DCAF8L2: variants seen among roughly 807,000 people sequenced by gnomAD.
DCAF8L2 encodes DDB1 and CUL4 associated factor 8 like 2.
For synonymous variants in DCAF8L2, 200 were observed against 190.9 expected (o/e 1.05, Z -0.39); for missense variants, 430 against 490.7 (o/e 0.88, Z 1.17).
upstream of DCAF8L2, among the ~76,000 whole-genome samples, chrX:27,590,019 G>C (rs1190114127): frequency 8.9e-6 from 1 of 111,918 alleles, no homozygotes; most frequent in Non-Finnish European, 1.9e-5. Flanking sequence ...TGAAAGCAAT[G>C]ATTAGTTAAA....
chrX:27,512,194 C>T, the DCAF8L2 span, among the ~76,000 whole-genome samples: 1 of 110,888 alleles, frequency 9.0e-6, no homozygotes, highest in Non-Finnish European at 1.9e-5. Context: ...TTGATTCAGC[C>T]CTGGAAGTTG....
At chrX:27,661,752 G>A (rs986749499) in intron 2 of DCAF8L2, among the ~76,000 whole-genome samples, 1 of 111,790 alleles carries the variant, frequency 8.9e-6, no homozygotes, top group Admixed American at 9.6e-5. Context: ...ACTGAAAAAT[G>A]TATGTCCTGC....
intron 1 of DCAF8L2, among the ~76,000 whole-genome samples, chrX:27,606,860 C>T (rs1040116104): frequency 9.0e-6 from 1 of 110,795 alleles, no homozygotes; most frequent in Non-Finnish European, 1.9e-5. Context: ...AAATACAGCC[C>T]GTTTGCTTGT....
the DCAF8L2 span, among the ~76,000 whole-genome samples, chrX:27,525,066 C>T: frequency 9.0e-5 from 10 of 111,354 alleles, no homozygotes; most frequent in African/African-American, 2.3e-4. Flanking sequence ...CAGAGCTGAG[C>T]TCAATTCCTG....
chrX:27,521,095 G>T, the DCAF8L2 span, among the ~76,000 whole-genome samples: 2 of 111,705 alleles, frequency 1.8e-5, no homozygotes, highest in South Asian at 7.4e-4. Context: ...AAACTCATTT[G>T]TTCTTATATA....
At chrX:27,604,169 C>T (rs1418932601) in intron 1 of DCAF8L2, among the ~76,000 whole-genome samples, 1 of 111,022 alleles carries the variant, frequency 9.0e-6, no homozygotes, top group Non-Finnish European at 1.9e-5. Flanking sequence ...TTTTCACACT[C>T]TCTAATAACA....
chrX:27,478,868 A>G, the DCAF8L2 span, among the ~76,000 whole-genome samples: 4 of 111,936 alleles, frequency 3.6e-5, no homozygotes, highest in African/African-American at 1.3e-4. Context: ...TCCTTTTGCT[A>G]TTGTGGTCTC....
intron 4 of DCAF8L2, among the ~76,000 whole-genome samples, chrX:27,727,885 A>G (rs1250475317): frequency 3.6e-5 from 4 of 111,467 alleles, no homozygotes; most frequent in South Asian, 3.7e-4. Context: ...GTTTAATTAT[A>G]TTTATTTCTA....
the DCAF8L2 span, among the ~76,000 whole-genome samples, chrX:27,502,335 AATATATAT>A: frequency 0.029 from 365 of 12,677 alleles, 24 homozygotes; most frequent in African/African-American, 0.074. Flanking sequence ...AAAAAAAAAA[AATATATAT>A]ATATATATAT....
At chrX:27,517,037 G>A in the DCAF8L2 span, among the ~76,000 whole-genome samples, 1 of 111,327 alleles carries the variant, frequency 9.0e-6, no homozygotes, top group African/African-American at 3.3e-5. Context: ...GGCAAAAAAA[G>A]CCATCAAAGG....
At chrX:27,639,342 G>A (rs1256113800) in intron 2 of DCAF8L2, among the ~76,000 whole-genome samples, 2 of 111,727 alleles carry the variant, frequency 1.8e-5, no homozygotes, top group African/African-American at 6.5e-5. Context: ...GGTCCAAAAA[G>A]TAGAAAGAAT....
At chrX:27,669,789 C>G (rs1207169417) in intron 2 of DCAF8L2, among the ~76,000 whole-genome samples, 1 of 111,136 alleles carries the variant, frequency 9.0e-6, no homozygotes, top group African/African-American at 3.3e-5. Flanking sequence ...CATGTCCCTA[C>G]AAAGGACATG....
intron 4 of DCAF8L2, among the ~76,000 whole-genome samples, chrX:27,730,382 C>G (rs889826785): frequency 1.8e-5 from 2 of 111,724 alleles, no homozygotes; most frequent in Admixed American, 9.5e-5. Context: ...GTACAGCAGA[C>G]CTCTAGAACT....
At chrX:27,472,120 C>T in the DCAF8L2 span, among the ~76,000 whole-genome samples, 1 of 111,560 alleles carries the variant, frequency 9.0e-6, no homozygotes, top group Non-Finnish European at 1.9e-5. Context: ...TATGTAAGCT[C>T]TTTGCTACAA....
At chrX:27,670,616 A>T (rs972483368) in intron 2 of DCAF8L2, among the ~76,000 whole-genome samples, 5 of 111,519 alleles carry the variant, frequency 4.5e-5, no homozygotes, top group African/African-American at 9.8e-5. Context: ...GCTATGGTTC[A>T]GACATAGTTT....
At chrX:27,607,283 T>C (rs1275070304) in intron 1 of DCAF8L2, among the ~76,000 whole-genome samples, 1 of 112,146 alleles carries the variant, frequency 8.9e-6, no homozygotes, top group Admixed American at 9.6e-5. Context: ...TTGGTTCTTA[T>C]GTCTTGGATA....
the DCAF8L2 span, among the ~76,000 whole-genome samples, chrX:27,522,777 T>TA: frequency 8.9e-6 from 1 of 112,028 alleles, no homozygotes; most frequent in Non-Finnish European, 1.9e-5. Flanking sequence ...CTTAGTAGTC[T>TA]GTAGCATTTT....
At chrX:27,497,436 A>G in the DCAF8L2 span, among the ~76,000 whole-genome samples, 1 of 111,285 alleles carries the variant, frequency 9.0e-6, no homozygotes, top group Non-Finnish European at 1.9e-5. Context: ...AACACTCTGT[A>G]CCATTAGAAA....
intron 1 of DCAF8L2, among the ~76,000 whole-genome samples, chrX:27,606,651 G>A (rs980875124): frequency 9.2e-5 from 10 of 108,352 alleles, no homozygotes; most frequent in African/African-American, 3.4e-4. Flanking sequence ...GATTACAGGC[G>A]TGAGCCACCG....
Sources: gnomAD v4.1 joint callset for allele counts (sites outside exome capture counted in the v4.1 genomes callset) on GRCh38, gnomAD v4.1.1 for gene constraint, MANE v1.5 for transcripts, NCBI Gene and HGNC (gene_info 2026-07-23, HGNC 2026-07-21) for gene names.